The following FHAD1 variants were observed in gnomAD, a reference collection of about 807,000 sequenced individuals.
FHAD1 encodes the protein forkhead associated phosphopeptide binding domain 1.
Under a neutral mutation model 191.3 loss-of-function variants are expected in FHAD1, and 146 were observed. The ratio of observed to expected loss-of-function variants is 0.76; its 90% confidence interval spans 0.67 to 0.88. FHAD1 has a LOEUF of 0.88. FHAD1 is among the 40% of genes least tolerant of loss of function. FHAD1 has a pLI of 0.00. For synonymous variants in FHAD1, 616 were observed against 672.3 expected (o/e 0.92, Z 1.29); for missense variants, 1,635 against 1,785.8 (o/e 0.92, Z 1.52).
At chr1:15,369,962 ATATT>A (rs768484533) in intron 26 of FHAD1, among the ~76,000 whole-genome samples, 3 of 152,206 alleles carry the variant, frequency 2.0e-5, no homozygotes, top group Admixed American at 1.3e-4. Context: ...ACCCATACAT[ATATT>A]TATTTATTCA....
chr1:15,282,482 T>A (rs1660959450), intron 3 of FHAD1, among the ~76,000 whole-genome samples: 1 of 152,234 alleles, frequency 6.6e-6, no homozygotes, highest in Non-Finnish European at 1.5e-5. Flanking sequence ...TGGTAGCAAC[T>A]GATGAATGTT....
At chr1:15,245,427 T>A (rs547894608), upstream of FHAD1, among the ~76,000 whole-genome samples, 1 of 152,250 alleles carries the variant, frequency 6.6e-6, no homozygotes, top group South Asian at 2.1e-4. Context: ...GTTGTTTCAT[T>A]GTTTCAAAAA....
chr1:15,345,025 G>C, intron 16 of FHAD1, 58 bp from the exon 17 acceptor site: 1 of 1,344,938 alleles, frequency 7.4e-7, no homozygotes, highest in Non-Finnish European at 1.0e-6. Flanking sequence ...GTGCCTGGCA[G>C]CGTCCAAATT....
intron 3 of FHAD1, among the ~76,000 whole-genome samples, chr1:15,275,214 A>G (rs926485778): frequency 3.3e-5 from 5 of 152,092 alleles, no homozygotes; most frequent in Non-Finnish European, 7.4e-5. Context: ...CGCCCGTCTC[A>G]GCCTCCCAAA....
rs186695549 is a variant in FHAD1, at chr1:15,346,245, C to T, written c.2346+722C>T. Among the ~76,000 whole-genome samples, 8 of 152,262 alleles carry T rather than the reference C, an allele frequency of 5.3e-5. No homozygotes were observed. The South Asian group carries it at 8.3e-4, about 16-fold the overall frequency. ...CAGAAGTCACAGACTGGTAGCTCAG[C>T]GACTAAAAAGGGCCTGTGGAAGTTA... On this transcript the variant is annotated intron_variant, in intron 18 of 33. Coordinates refer to ENST00000688493, the MANE Select transcript of FHAD1 (RefSeq NM_001391957.1).
chr1:15,294,302 C>T (rs1203626841), intron 4 of FHAD1, among the ~76,000 whole-genome samples: 1 of 152,162 alleles, frequency 6.6e-6, no homozygotes, highest in Non-Finnish European at 1.5e-5. Context: ...TATTTGGAAA[C>T]GCAAAGCCAA....
rs781078265 is a variant in FHAD1, at chr1:15,281,411, TA to T, written c.301-7987del. Among the ~76,000 whole-genome samples, 145 of 152,280 alleles carry T rather than the reference TA, an allele frequency of 9.5e-4. 3 individuals carry two copies. In the Middle Eastern group the frequency reaches 0.01, roughly 11 times the overall value. On this transcript the variant is annotated intron_variant, in intron 3 of 33. Coordinates refer to ENST00000688493, the MANE Select transcript of FHAD1 (RefSeq NM_001391957.1). ...TAGTGGTTCCATGTGGATTTTGTAT[TA>T]TTTTTTTCTGGTAACTCAAAGGTCC...
Position 15,394,463 on chromosome 1 carries a change from G to A in FHAD1, c.4324-2834G>A, listed in dbSNP as rs751559913. On this transcript the variant is annotated intron_variant, in intron 33 of 33. Coordinates refer to ENST00000688493, the MANE Select transcript of FHAD1 (RefSeq NM_001391957.1). ...TGCTGTCTGTTTTCTTTTTCCCTGC[G>A]CATTTGGACCAATATTTACTTTGTG... 3.9e-5 allele frequency among the ~76,000 whole-genome samples: 6 copies of A among 152,238 alleles called. No individual in the cohort carries two copies. In the South Asian group the frequency reaches 6.2e-4, roughly 16 times the overall value.
intron 33 of FHAD1, among the ~76,000 whole-genome samples, chr1:15,391,976 A>G (rs924111653): frequency 1.4e-4 from 21 of 152,218 alleles, no homozygotes; most frequent in African/African-American, 4.8e-4. Context: ...GCTGCCAGTT[A>G]TTGGCTGAGA....
chr1:15,352,996 A>C lies in FHAD1; in HGVS notation c.2562+12A>C, dbSNP rs1391988558. The C allele has an allele frequency of 3.2e-6, 5 of 1,539,812 alleles. No individual in the cohort carries two copies. Among genetic ancestry groups the C allele is most frequent in the Middle Eastern group, 1.7e-4 (1 of 5,864 alleles). On this transcript the variant is annotated intron_variant, in intron 20 of 33. Transcript: ENST00000688493. ...CCAAGCAGAAAGAGGTATGAGCCGCAGGGAGGGAGAGACGAGAGGGGCCCA... is the reference window on the plus strand; with the variant it reads ...CCAAGCAGAAAGAGGTATGAGCCGCCGGGAGGGAGAGACGAGAGGGGCCCA...
intron 20 of FHAD1, among the ~76,000 whole-genome samples, chr1:15,356,756 C>T (rs1692931408): frequency 1.3e-5 from 2 of 151,734 alleles, no homozygotes; most frequent in Admixed American, 6.6e-5. Flanking sequence ...CCTGTAATCC[C>T]GGCTACTCAG....
chr1:15,342,892 C>A (rs568665410), intron 16 of FHAD1, among the ~76,000 whole-genome samples: 1 of 152,044 alleles, frequency 6.6e-6, no homozygotes, highest in African/African-American at 2.4e-5. Flanking sequence ...AACTCCTGGG[C>A]TCAAGTGACC....
At chr1:15,282,547 T>G (rs1181705427) in intron 3 of FHAD1, among the ~76,000 whole-genome samples, 1 of 152,158 alleles carries the variant, frequency 6.6e-6, no homozygotes, top group African/African-American at 2.4e-5. Flanking sequence ...AAGACGAAAG[T>G]GAAATGAGAA....
chr1:15,243,885 C>T (rs910199484), upstream of FHAD1, among the ~76,000 whole-genome samples: 2 of 152,190 alleles, frequency 1.3e-5, no homozygotes, highest in African/African-American at 2.4e-5. Context: ...TTGTCACATT[C>T]ATCTCGATTC....
chr1:15,280,008 G>A (rs1239587548), intron 3 of FHAD1, among the ~76,000 whole-genome samples: 1 of 152,206 alleles, frequency 6.6e-6, no homozygotes, highest in African/African-American at 2.4e-5. Context: ...TCTCTATCAG[G>A]GAAGTTCCAG....
At chr1:15,385,874 T>C (rs1277899755) in intron 31 of FHAD1, among the ~76,000 whole-genome samples, 1 of 152,226 alleles carries the variant, frequency 6.6e-6, no homozygotes, top group Non-Finnish European at 1.5e-5. Flanking sequence ...TGCTGGTCAT[T>C]CACAGAGAAC....
chr1:15,308,674 CAG>C lies in FHAD1; in HGVS notation c.979_980del (p.Glu327AsnfsTer7), dbSNP rs747931259. Reference sequence around the variant, plus strand: ...TGCCAGACCCTGTCAGAGCGGAACTCAGAAATCACATCCCTGAAGAATGAGGG... The same window carrying C: ...TGCCAGACCCTGTCAGAGCGGAACTCAAATCACATCCCTGAAGAATGAGGG... On this transcript the variant is annotated frameshift_variant, in exon 7 of 34. Coordinates refer to ENST00000688493, the MANE Select transcript of FHAD1 (RefSeq NM_001391957.1). LOFTEE classifies it high-confidence loss of function. 2.6e-6 allele frequency: 4 copies of C among 1,551,756 alleles called. No homozygotes were observed. The South Asian group carries it at 4.8e-5, about 18-fold the overall frequency.
At position 15,325,666 on chromosome 1, in the gene FHAD1, C is replaced by G. The variant is rs186509162; in HGVS notation, c.1473+1107C>G. 2 of 152,648 alleles carry G rather than the reference C, an allele frequency of 1.3e-5. No homozygotes were observed. The highest frequency in any genetic ancestry group is 1.3e-4 in the Admixed American group (2 of 15,314). 9.5% of individuals were successfully genotyped at this position (152,648 alleles called of 1,614,324 possible). ...CCCCCAATCTTCCCCCTAACACATACCTGATTTGAGGGTCTGACCCGTGCT... is the reference window on the plus strand; with the variant it reads ...CCCCCAATCTTCCCCCTAACACATAGCTGATTTGAGGGTCTGACCCGTGCT... On this transcript the variant is annotated intron_variant, in intron 11 of 33. Transcript: ENST00000688493. This position sits in a 1 kb window ranked among gnomAD's most constrained non-coding sequence, Gnocchi z 4.6.
In FHAD1 at chr1:15,272,405, G is replaced by A. The variant is rs1355603897; in HGVS notation, c.176G>A (p.Arg59His). 1.2e-5 allele frequency: 18 copies of A among 1,551,524 alleles called. No homozygotes were observed. The highest frequency in any genetic ancestry group is 1.4e-5 in the African/African-American group (1 of 73,030). Residue 59 changes from arginine to histidine, a missense_variant, in exon 3 of 34, where the codon CGC (arginine) becomes CAC (histidine). Coordinates refer to ENST00000688493, the MANE Select transcript of FHAD1 (RefSeq NM_001391957.1). ...CSFVLQDFNS[R>H]NGTFVNECHI... ...TTTGTTCTCCAGGACTTCAATTCCC[G>A]CAACGGCACGTTTGTCAACGAGTGC...
Sources: gnomAD v4.1 joint callset for allele counts (sites outside exome capture counted in the v4.1 genomes callset) on GRCh38, gnomAD v4.1.1 for gene constraint, Gnocchi (gnomAD v3.1) non-coding constraint, MANE v1.5 for transcripts, NCBI Gene and HGNC (gene_info 2026-07-23, HGNC 2026-07-21) for gene names.